Variants in ZNF385B observed in about 807,000 individuals in gnomAD.
ZNF385B encodes zinc finger protein 533.
Under a neutral mutation model 39.2 loss-of-function variants are expected in ZNF385B, and 23 were observed. The ratio of observed to expected loss-of-function variants is 0.59; its 90% CI spans 0.42 to 0.83. The LOEUF is 0.83. ZNF385B is among the 40% of genes least tolerant of loss of function. The probability of loss-of-function intolerance (pLI) is 0.00; values close to 1 mark genes in which losing one functional copy is unlikely to be tolerated. For missense variants in ZNF385B, 552 were observed against 598.9 expected (o/e 0.92, Z 0.82); for synonymous variants, 205 against 222.6 (o/e 0.92, Z 0.70).
At chr2:179,516,097 T>C (rs1433104584) in intron 5 of ZNF385B, among the ~76,000 whole-genome samples, 1 of 86,690 alleles carries the variant, frequency 1.2e-5, no homozygotes, top group Non-Finnish European at 2.5e-5. Flanking sequence ...CATGTATCAG[T>C]ACTTTCTTTT....
chr2:179,707,621 C>G (rs1699708049), intron 3 of ZNF385B, among the ~76,000 whole-genome samples: 1 of 152,216 alleles, frequency 6.6e-6, no homozygotes, highest in Admixed American at 6.5e-5. Context: ...TCACCAGTGT[C>G]TATCCTAAGT....
intron 3 of ZNF385B, among the ~76,000 whole-genome samples, chr2:179,752,167 G>A (rs1002125775): frequency 6.6e-6 from 1 of 151,910 alleles, no homozygotes; most frequent in Non-Finnish European, 1.5e-5. Flanking sequence ...TCCCACCTAT[G>A]AGTGAGAACA....
At chr2:179,537,050 C>A (rs1461436788) in intron 4 of ZNF385B, among the ~76,000 whole-genome samples, 1 of 150,856 alleles carries the variant, frequency 6.6e-6, no homozygotes, top group Non-Finnish European at 1.5e-5. Context: ...GTGGCTCATG[C>A]CTGCAATCCT....
In ZNF385B at chr2:179,611,482, G is replaced by C. The variant is rs1203682820; in HGVS notation, c.299-66513C>G. 2.0e-5 allele frequency among the ~76,000 whole-genome samples: 3 copies of C among 152,148 alleles called. No homozygotes were observed. In the East Asian group the frequency reaches 5.8e-4, roughly 29 times the overall value. ...AGGTTTTCTGCATCCACGTTTATCA[G>C]GAATATTGGCCGATAGTTCTCTGTT... On this transcript the variant is annotated intron_variant, in intron 3 of 9. Transcript: ENST00000410066.
At chr2:179,482,202 C>G (rs2054078656) in intron 6 of ZNF385B, among the ~76,000 whole-genome samples, 1 of 152,218 alleles carries the variant, frequency 6.6e-6, no homozygotes, top group South Asian at 2.1e-4. Context: ...GAACCTTCCT[C>G]TTACAGTAAT....
chr2:179,485,138 A>T (rs1470223902), intron 5 of ZNF385B, among the ~76,000 whole-genome samples: 1 of 152,208 alleles, frequency 6.6e-6, no homozygotes, highest in Non-Finnish European at 1.5e-5. Context: ...TGAATATGAG[A>T]GAAAAGAGAT....
intron 3 of ZNF385B, among the ~76,000 whole-genome samples, chr2:179,724,084 A>C (rs1309448531): frequency 6.6e-6 from 1 of 152,134 alleles, no homozygotes; most frequent in Non-Finnish European, 1.5e-5. Context: ...CAACGCAGGC[A>C]GATCACTTGA....
chr2:179,648,507 C>T (rs1195976522), intron 3 of ZNF385B, among the ~76,000 whole-genome samples: 4 of 152,052 alleles, frequency 2.6e-5, no homozygotes, highest in African/African-American at 4.8e-5. Flanking sequence ...CACATATATA[C>T]GTTTGCTCCG....
intron 3 of ZNF385B, among the ~76,000 whole-genome samples, chr2:179,661,497 T>G (rs2106277975): frequency 6.6e-6 from 1 of 152,316 alleles, no homozygotes; most frequent in Non-Finnish European, 1.5e-5. Flanking sequence ...TATCTATATC[T>G]GATATCTACA....
intron 3 of ZNF385B, among the ~76,000 whole-genome samples, chr2:179,691,816 G>T (rs1698376484): frequency 6.6e-6 from 1 of 151,288 alleles, no homozygotes; most frequent in East Asian, 1.9e-4. Context: ...AGTTTAACTG[G>T]GTATCTTATT....
intron 1 of ZNF385B, chr2:179,802,659 A>C (rs1395616103): frequency 6.6e-6 from 1 of 152,072 alleles, no homozygotes; most frequent in East Asian, 1.9e-4. Context: ...GTGTTCTACC[A>C]TTATGTCACC....
chr2:179,674,238 G>T (rs758340574), intron 3 of ZNF385B, among the ~76,000 whole-genome samples: 3 of 152,098 alleles, frequency 2.0e-5, no homozygotes, highest in Admixed American at 6.5e-5. Flanking sequence ...AAAAATGGTC[G>T]CAATTCCTGC....
chr2:179,561,411 T>C (rs932372595), intron 3 of ZNF385B, among the ~76,000 whole-genome samples: 2 of 152,168 alleles, frequency 1.3e-5, no homozygotes, highest in Non-Finnish European at 2.9e-5. Context: ...CTTTAACCTA[T>C]TCATTTTTTG....
intron 1 of ZNF385B, among the ~76,000 whole-genome samples, chr2:179,817,427 C>G (rs1707134333): frequency 6.6e-6 from 1 of 152,122 alleles, no homozygotes; most frequent in Non-Finnish European, 1.5e-5. Flanking sequence ...CAGAATAAAT[C>G]CATGAAGTTT....
chr2:179,700,996 G>C (rs1420079493), intron 3 of ZNF385B, among the ~76,000 whole-genome samples: 1 of 152,158 alleles, frequency 6.6e-6, no homozygotes, highest in Non-Finnish European at 1.5e-5. Flanking sequence ...CTGGGCGACA[G>C]AGCAAGACTC....
chr2:179,687,597 C>G (rs1698022188), intron 3 of ZNF385B, among the ~76,000 whole-genome samples: 1 of 152,130 alleles, frequency 6.6e-6, no homozygotes, highest in South Asian at 2.1e-4. Context: ...TATATTATCC[C>G]TATGTTCCTA....
At chr2:179,805,343 A>G (rs357714) in intron 1 of ZNF385B, among the ~76,000 whole-genome samples, 71,890 of 151,964 alleles carry the variant, frequency 0.47, 17,837 homozygotes, top group African/African-American at 0.6. Flanking sequence ...CACATGCTCA[A>G]TAGATTTTAG....
intron 3 of ZNF385B, among the ~76,000 whole-genome samples, chr2:179,734,482 G>A (rs899196566): frequency 3.3e-5 from 5 of 152,126 alleles, no homozygotes; most frequent in Admixed American, 6.5e-5. Flanking sequence ...CATCTGACAG[G>A]TAAGTAAAAT....
intron 3 of ZNF385B, among the ~76,000 whole-genome samples, chr2:179,693,554 T>C (rs990131911): frequency 1.3e-5 from 2 of 152,216 alleles, no homozygotes; most frequent in Non-Finnish European, 2.9e-5. Context: ...AAAAACATAA[T>C]TTCAAAGTTC....
Sources: gnomAD v4.1 joint callset for allele counts (sites outside exome capture counted in the v4.1 genomes callset) on GRCh38, gnomAD v4.1.1 for gene constraint, MANE v1.5 for transcripts, NCBI Gene and HGNC (gene_info 2026-07-23, HGNC 2026-07-21) for gene names.